Variants in TDRD15 observed in about 807,000 individuals in gnomAD.
TDRD15 encodes the protein tudor domain-containing protein 15.
For synonymous variants in TDRD15, 503 were observed against 314.5 expected, an observed-to-expected ratio of 1.60 and a Z score of -6.34; for missense variants, 1,416 against 904.7, an observed-to-expected ratio of 1.57 and a Z score of -7.25.
chr2:21,130,284 G>T (rs1165727085), intron 2 of TDRD15, among the ~76,000 whole-genome samples: 1 of 152,154 alleles, frequency 6.6e-6, no homozygotes, highest in Non-Finnish European at 1.5e-5. Flanking sequence ...AACTTACAAT[G>T]AGATTAAATC....
rs1296392154 is a variant in TDRD15, at chr2:21,143,168, A to G, written c.5701A>G (p.Asn1901Asp). The change falls in exon 4 of 4, where the codon AAT (asparagine) becomes GAT (aspartate). Residue 1901 changes from asparagine to aspartate, a missense_variant. Asn to Asp is a conservative substitution (Grantham distance 23, BLOSUM62 1). Transcript: ENST00000405799. ...AGTAGATGTCATTCATGAGAAAAACAATTTGGCAGATATATTAGTTGCATC... is the reference window on the plus strand; with the variant it reads ...AGTAGATGTCATTCATGAGAAAAACGATTTGGCAGATATATTAGTTGCATC... ...LKVDVIHEKNNLADILVASGL... is the reference protein window; with the variant it reads ...LKVDVIHEKNDLADILVASGL... The G allele has an allele frequency of 1.4e-6, 1 of 707,904 alleles. No individual in the cohort carries two copies. The highest frequency in any genetic ancestry group is 1.5e-5 in the South Asian group (1 of 65,354). 43.9% of individuals were successfully genotyped at this position (707,904 alleles called of 1,614,324 possible).
intron 3 of TDRD15, among the ~76,000 whole-genome samples, chr2:21,137,048 G>T (rs1443414898): frequency 6.6e-6 from 1 of 151,972 alleles, no homozygotes; most frequent in Non-Finnish European, 1.5e-5. Context: ...ATAGGTTGTT[G>T]GAAAGAGTTT....
chr2:21,133,006 A>C (rs1665749178), intron 2 of TDRD15, among the ~76,000 whole-genome samples: 1 of 152,164 alleles, frequency 6.6e-6, no homozygotes, highest in South Asian at 2.1e-4. Context: ...AGACAACTAA[A>C]TGTATTTCCA....
chr2:21,135,342 A>T (rs903368513), intron 3 of TDRD15, among the ~76,000 whole-genome samples: 6 of 151,718 alleles, frequency 4.0e-5, no homozygotes, highest in East Asian at 3.9e-4. Flanking sequence ...TTTAGTAAGC[A>T]TTGTAGAGGC....
chr2:21,129,215 T>C (rs981054040), intron 2 of TDRD15, among the ~76,000 whole-genome samples: 1 of 152,224 alleles, frequency 6.6e-6, no homozygotes, highest in African/African-American at 2.4e-5. Context: ...TCCAAATTTT[T>C]GTGTGGATGT....
At position 21,143,757 on chromosome 2, in the gene TDRD15, A is replaced by G. The variant is rs1033418282; in HGVS notation, c.*485A>G. Among the ~76,000 whole-genome samples the G allele has an allele frequency of 6.6e-5, 10 of 151,862 alleles. No homozygotes were observed. Among genetic ancestry groups the G allele is most frequent in the African/African-American group, 2.2e-4 (9 of 41,528 alleles). ...TTGATTCTTTAAAAGTTTTTCATGT[A>G]CTAACATCCAAATTGAAAATATGTT... On this transcript the variant is annotated 3_prime_UTR_variant, in exon 4 of 4. Transcript: ENST00000405799.
chr2:21,128,289 GT>G (rs537612430), intron 2 of TDRD15, among the ~76,000 whole-genome samples: 6 of 144,258 alleles, frequency 4.2e-5, no homozygotes, highest in African/African-American at 5.1e-5. Flanking sequence ...CCATGTTATG[GT>G]TTTTTTTTTA....
At chr2:21,128,480 G>A (rs1558295251) in intron 2 of TDRD15, among the ~76,000 whole-genome samples, 1 of 151,636 alleles carries the variant, frequency 6.6e-6, no homozygotes, top group Non-Finnish European at 1.5e-5. Flanking sequence ...CCGCCACCAC[G>A]CCTGGCTAAT....
At chr2:21,126,076 CTA>C (rs1012626542) in intron 1 of TDRD15, among the ~76,000 whole-genome samples, 3 of 152,044 alleles carry the variant, frequency 2.0e-5, no homozygotes, top group African/African-American at 4.8e-5. Context: ...ATATAACAAA[CTA>C]CACATATTTG....
intron 2 of TDRD15, among the ~76,000 whole-genome samples, chr2:21,128,901 C>G (rs1395118423): frequency 6.6e-6 from 1 of 150,918 alleles, no homozygotes; most frequent in Non-Finnish European, 1.5e-5. Context: ...TTAATATAAT[C>G]CATGGGAAAA....
At position 21,143,093 on chromosome 2, in the gene TDRD15, C is replaced by A; in HGVS notation, c.5626C>A (p.Pro1876Thr). The A allele has an allele frequency of 1.4e-6, 1 of 695,010 alleles. No individual in the cohort carries two copies. The highest frequency in any genetic ancestry group is 2.6e-6 in the Non-Finnish European group (1 of 378,134). The allele number at this position is 695,010 out of a possible 1,614,324, so 43.1% of individuals were successfully genotyped here. A position where few individuals can be genotyped will look rare whatever the true frequency, so the allele number is the denominator to read the frequency against. The change falls in exon 4 of 4, where the codon CCA (proline) becomes ACA (threonine). Residue 1876 changes from proline (P) to threonine (T), a missense_variant. Transcript: ENST00000405799. ...CTTTTTTCGAGATTTCCTAAGTAAA[C>A]CAGACTTAGTTTTTCAGTTTAGGGA... The part of the protein sequence containing the change: ...KIFFRDFLSK[P>T]DLVFQFREYH...
chr2:21,128,664 AC>A (rs2103436061), intron 2 of TDRD15, among the ~76,000 whole-genome samples: 1 of 151,808 alleles, frequency 6.6e-6, no homozygotes, highest in Non-Finnish European at 1.5e-5. Context: ...TATGTACTTA[AC>A]TGTGTTCTTC....
At chr2:21,124,696 CGTGT>C (rs147996493) in intron 1 of TDRD15, among the ~76,000 whole-genome samples, 9 of 70,272 alleles carry the variant, frequency 1.3e-4, no homozygotes, top group African/African-American at 4.9e-4. Flanking sequence ...TGCCAGGGTG[CGTGT>C]GTGTGTGTGT....
chr2:21,134,248 T>A (rs983227543), intron 2 of TDRD15, among the ~76,000 whole-genome samples: 26 of 151,972 alleles, frequency 1.7e-4, no homozygotes, highest in Non-Finnish European at 4.4e-5. Flanking sequence ...GTGTATTTTT[T>A]ATTTAGATTT....
chr2:21,131,542 G>A (rs1173106727), intron 2 of TDRD15, among the ~76,000 whole-genome samples: 1 of 152,058 alleles, frequency 6.6e-6, no homozygotes, highest in Admixed American at 6.6e-5. Flanking sequence ...CTCCAACTAC[G>A]TATCTGTGTA....
In TDRD15 at chr2:21,143,635, G is replaced by C. The variant is rs774293014; in HGVS notation, c.*363G>C. 2.0e-5 allele frequency among the ~76,000 whole-genome samples: 3 copies of C among 151,380 alleles called. No individual in the cohort carries two copies. Among genetic ancestry groups the C allele is most frequent in the Non-Finnish European group, 4.4e-5 (3 of 67,616 alleles). ...TAAGACAATGAACTTGAGAACAGCAGTAAAAACATTGCATGATAATAAAAA... is the reference window on the plus strand; with the variant it reads ...TAAGACAATGAACTTGAGAACAGCACTAAAAACATTGCATGATAATAAAAA... On this transcript the variant is annotated 3_prime_UTR_variant, in exon 4 of 4. Transcript: ENST00000405799.
intron 1 of TDRD15, among the ~76,000 whole-genome samples, chr2:21,125,492 CGT>C (rs142756145): frequency 1.4e-5 from 2 of 148,100 alleles, no homozygotes; most frequent in South Asian, 2.2e-4. Flanking sequence ...TGAGTTGTTG[CGT>C]GTGTGTGTGT....
At position 21,140,614 on chromosome 2, in the gene TDRD15, T is replaced by C. The variant is rs1558300518; in HGVS notation, c.3147T>C (p.Phe1049=). Reference sequence around the variant, plus strand: ...AGTTTCAAGTCTATTTTGTAGACTTTGGAAATAAGCAATTAGTAGGAGAAA... The same window carrying C: ...AGTTTCAAGTCTATTTTGTAGACTTCGGAAATAAGCAATTAGTAGGAGAAA... ...SSEFQVYFVD[F]GNKQLVGENM... Residue 1049 remains phenylalanine (F), a synonymous_variant, in exon 4 of 4, where the codon TTT becomes TTC. Coordinates refer to ENST00000405799, the MANE Select transcript of TDRD15 (RefSeq NM_001306137.2). 1.4e-6 allele frequency: 1 copy of C among 715,334 alleles called. No individual in the cohort carries two copies. Among genetic ancestry groups the C allele is most frequent in the Non-Finnish European group, 2.6e-6 (1 of 383,686 alleles). The allele number at this position is 715,334 out of a possible 1,614,324, so 44.3% of individuals were successfully genotyped here. A position where few individuals can be genotyped will look rare whatever the true frequency, so the allele number is the denominator to read the frequency against.
Position 21,140,484 on chromosome 2 carries a change from A to G in TDRD15, c.3017A>G (p.Asn1006Ser). Residue 1006 changes from asparagine to serine, a missense_variant, in exon 4 of 4, where the codon AAT becomes AGT. By Grantham distance (46) the Asn-to-Ser change is conservative. Transcript: ENST00000405799. ...TKITESVNLQ[N>S]FPKYDSNKMR... ...ATCACAGAGAGTGTTAACCTCCAAA[A>G]TTTTCCAAAATATGATTCTAATAAA... 1 of 695,442 alleles carries G rather than the reference A, an allele frequency of 1.4e-6. No individual in the cohort carries two copies. The highest frequency in any genetic ancestry group is 2.6e-6 in the Non-Finnish European group (1 of 378,170). The allele number at this position is 695,442 out of a possible 1,614,324, so 43.1% of individuals were successfully genotyped here.
Sources: gnomAD v4.1 joint callset for allele counts (sites outside exome capture counted in the v4.1 genomes callset) on GRCh38, gnomAD v4.1.1 for gene constraint, MANE v1.5 for transcripts, NCBI Gene and HGNC (gene_info 2026-07-23, HGNC 2026-07-21) for gene names.